LIPA: variants seen among roughly 807,000 people sequenced by gnomAD.
LIPA encodes the protein lysosomal acid lipase/cholesteryl ester hydrolase.
LIPA carries 26 observed loss-of-function variants against 40.6 expected under a neutral mutation model. The ratio of observed to expected loss-of-function variants is 0.64; its 90% CI spans 0.47 to 0.89. LIPA has a LOEUF of 0.89. LIPA is among the 40% of genes least tolerant of loss of function. The pLI is 0.00. For missense variants in LIPA, 455 were observed against 479.6 expected (o/e 0.95, Z 0.48); for synonymous variants, 188 against 168.4 (o/e 1.12, Z -0.90).
rs11203086 is a variant in LIPA, at chr10:89,350,645, G to A, written c.61+62146C>T. Among the ~76,000 whole-genome samples the A allele has an allele frequency of 1.5e-3, 232 of 152,030 alleles. 1 individual carries two copies. Among genetic ancestry groups the A allele is most frequent in the African/African-American group, 5.3e-3 (220 of 41,466 alleles). On this transcript the variant is annotated intron_variant, in intron 2 of 8. Transcript: ENST00000371837. ...AGCATTTCTTGCAGGGGGTTGGGGG[G>A]AGATCTGTGCAGGGGGAAGGATACT...
chr10:89,403,808 T>A, intron 2 of LIPA: 1 of 687,548 alleles, frequency 1.5e-6, no homozygotes, highest in Non-Finnish European at 2.4e-6. Context: ...ACATTATAAT[T>A]CACTGTAATG....
chr10:89,227,874 A>C (rs1288661727), intron 4 of LIPA, among the ~76,000 whole-genome samples: 8 of 152,226 alleles, frequency 5.3e-5, no homozygotes. Flanking sequence ...GAAAGAAGAA[A>C]AGTGAACATC....
Position 89,275,866 on chromosome 10 carries a change from T to C in LIPA, c.-1-28217A>G, listed in dbSNP as rs373145531. ...TATCAGGTGACTTGATGATTGTATG[T>C]CCAGATATACCAGATGCTTCATAAA... On this transcript the variant is annotated intron_variant, in intron 1 of 5. Coordinates refer to the LIPA transcript ENST00000282673. Among the ~76,000 whole-genome samples the C allele has an allele frequency of 7.9e-5, 12 of 152,342 alleles. No homozygotes were observed. The East Asian group carries it at 2.1e-3, about 27-fold the overall frequency.
At chr10:89,355,345 C>A (rs183992804) in intron 2 of LIPA, among the ~76,000 whole-genome samples, 3 of 152,166 alleles carry the variant, frequency 2.0e-5, no homozygotes, top group African/African-American at 7.2e-5. Context: ...ATGGGAAAGG[C>A]AAGATGGGGG....
chr10:89,362,771 G>A, intron 2 of LIPA: 1 of 708,232 alleles, frequency 1.4e-6, no homozygotes, highest in Non-Finnish European at 2.2e-6. Context: ...GTGGAGGAAA[G>A]AATTATGAAC....
chr10:89,306,577 C>A, intron 1 of LIPA: 1 of 1,614,130 alleles, frequency 6.2e-7, no homozygotes, highest in East Asian at 2.2e-5. Context: ...TGAATCCTGA[C>A]AACCAGTACC....
rs116928232 is a variant in LIPA at position 89,222,511 on chromosome 10, C to T, written c.894G>A (p.Gln298=). 1,782 of 1,603,504 alleles carry T rather than the reference C, an allele frequency of 1.1e-3. 2 individuals are homozygous for T. The highest frequency in any genetic ancestry group is 1.4e-3 in the Non-Finnish European group (1,582 of 1,170,340). Residue 298 remains glutamine (Q), a splice_region_variant and synonymous_variant, in exon 8 of 10, where the codon CAG becomes CAA. Transcript: ENST00000336233. ...CCAAATGCACTCCTGGAATGCCTAC[C>T]TGGCTCCAGTGTAACATGTTTTGCA... ...TSVQNMLHWS[Q]AVKFQKFQAF...
chr10:89,393,993 T>C (rs1411247069), intron 2 of LIPA, among the ~76,000 whole-genome samples: 1 of 152,238 alleles, frequency 6.6e-6, no homozygotes, highest in Non-Finnish European at 1.5e-5. Context: ...ATGTAAATTA[T>C]TCCATTTAAT....
intron 1 of LIPA, chr10:89,340,240 T>C (rs1319069258): frequency 3.5e-6 from 4 of 1,145,112 alleles, no homozygotes; most frequent in Non-Finnish European, 4.8e-6. Flanking sequence ...AAGCTTTGCA[T>C]GTTGCTCTAA....
chr10:89,373,668 T>C (rs1334178985), intron 2 of LIPA, among the ~76,000 whole-genome samples: 1 of 152,168 alleles, frequency 6.6e-6, no homozygotes, highest in Non-Finnish European at 1.5e-5. Context: ...CAGAGCCTCA[T>C]AGAAAATAGG....
Position 89,228,340 on chromosome 10 carries a change from G to A in LIPA, c.288C>T (p.Val96=), listed in dbSNP as rs1842797794. 2 of 1,614,090 alleles carry A rather than the reference G, an allele frequency of 1.2e-6. No homozygotes were observed. Among genetic ancestry groups the A allele is most frequent in the Admixed American group, 1.7e-5 (1 of 60,012 alleles). Residue 96 remains valine, a synonymous_variant, in exon 4 of 10, where the codon GTC becomes GTT. Transcript: ENST00000336233. ...HGLLADSSNW[V]TNLANSSLGF... Reference sequence around the variant, plus strand: ...CCAGGCTGCTGTTGGCAAGGTTTGTGACCCAGTTACTAGAATCTGCCAGCA... The same window carrying A: ...CCAGGCTGCTGTTGGCAAGGTTTGTAACCCAGTTACTAGAATCTGCCAGCA...
At chr10:89,373,334 C>CAAAAAAAAAAAAAAAAAAAAAAAAAA in intron 2 of LIPA, among the ~76,000 whole-genome samples, 1 of 63,152 alleles carries the variant, frequency 1.6e-5, no homozygotes, top group African/African-American at 6.1e-5. Flanking sequence ...GACTCCCTCT[C>CAAAAAAAAAAAAAAAAAAAAAAAAAA]AAAAAAAAAA....
At chr10:89,241,649 A>AC (rs1842966426) in intron 3 of LIPA, among the ~76,000 whole-genome samples, 1 of 152,000 alleles carries the variant, frequency 6.6e-6, no homozygotes, top group Non-Finnish European at 1.5e-5. Context: ...TCAATGGACA[A>AC]CCCCTGGGGA....
chr10:89,394,582 A>G (rs1312114819), intron 2 of LIPA, among the ~76,000 whole-genome samples: 1 of 17,388 alleles, frequency 5.8e-5, no homozygotes, highest in Non-Finnish European at 1.3e-4. Context: ...AGGAAAATAT[A>G]TATATATATA....
chr10:89,259,035 TG>T (rs1447701264), intron 1 of LIPA, among the ~76,000 whole-genome samples: 1 of 152,158 alleles, frequency 6.6e-6, no homozygotes, highest in Non-Finnish European at 1.5e-5. Flanking sequence ...TGCCTAGGGA[TG>T]ATGGTGGGTT....
chr10:89,279,608 C>A (rs539100390), intron 1 of LIPA, among the ~76,000 whole-genome samples: 1 of 152,248 alleles, frequency 6.6e-6, no homozygotes, highest in East Asian at 1.9e-4. Context: ...TGATAGAGAA[C>A]AATTGATAGA....
At chr10:89,244,589 A>T (rs77414759) in intron 3 of LIPA, among the ~76,000 whole-genome samples, 11,468 of 152,170 alleles carry the variant, frequency 0.075, 438 homozygotes, top group Middle Eastern at 0.16. Flanking sequence ...TCTCAAAAAA[A>T]TAAATAAATA....
chr10:89,327,984 G>A (rs1843615198), intron 1 of LIPA: 24 of 1,380,586 alleles, frequency 1.7e-5, no homozygotes, highest in Non-Finnish European at 2.4e-5. Context: ...AGTTCCTTCA[G>A]TATTTACTTG....
chr10:89,403,244 A>G (rs2133633280), intron 2 of LIPA: 1 of 1,614,186 alleles, frequency 6.2e-7, no homozygotes, highest in African/African-American at 1.3e-5. Context: ...AAATGATAAG[A>G]TCAGCCATAT....
Sources: allele counts gnomAD v4.1 joint callset (sites outside exome capture counted in the v4.1 genomes callset), GRCh38; gene constraint gnomAD v4.1.1; transcripts MANE v1.5; gene names NCBI Gene and HGNC (gene_info 2026-07-23, HGNC 2026-07-21).